Variants in ZNF33A observed in about 807,000 individuals in gnomAD.
The protein encoded by ZNF33A is brain my041 protein.
A neutral mutation model predicts 15.9 loss-of-function variants in ZNF33A; 9 were observed. The observed-to-expected ratio is 0.57, with a 90% CI of 0.34 to 0.99. The LOEUF is 0.99. Among genes scored for constraint, ZNF33A ranks in the 50% least tolerant of loss-of-function variants. The pLI is 0.02. For synonymous variants in ZNF33A, 294 were observed against 324.2 expected (o/e 0.91, Z 1.00); for missense variants, 843 against 941.6 (o/e 0.90, Z 1.37).
chr10:38,051,219 G>A (rs1238298008), intron 4 of ZNF33A, among the ~76,000 whole-genome samples: 1 of 152,178 alleles, frequency 6.6e-6, no homozygotes, highest in Admixed American at 6.5e-5. Context: ...AAATTTACAT[G>A]TAAAATTGAA....
At position 38,017,366 on chromosome 10, in the gene ZNF33A, T is replaced by G; in HGVS notation, c.230T>G (p.Phe77Cys). 1 of 1,613,888 alleles carries G rather than the reference T, an allele frequency of 6.2e-7. No individual in the cohort carries two copies. The highest frequency in any genetic ancestry group is 1.1e-5 in the South Asian group (1 of 91,074). ...GAGCCATGGAAACAGGAGGAAGAATTCCCAAGCCAAAGCTTTCCAGGTGAG... is the reference window on the plus strand; with the variant it reads ...GAGCCATGGAAACAGGAGGAAGAATGCCCAAGCCAAAGCTTTCCAGGTGAG... Reference protein sequence around the residue: ...GEEPWKQEEEFPSQSFPEVWT... With the variant: ...GEEPWKQEEECPSQSFPEVWT... Residue 77 changes from phenylalanine to cysteine, a missense_variant, in exon 4 of 5, where the codon TTC becomes TGC. Phe to Cys is a radical substitution (Grantham distance 205). Transcript: ENST00000432900.
At chr10:38,062,462 A>G (rs2066666423), downstream of ZNF33A, among the ~76,000 whole-genome samples, 1 of 152,232 alleles carries the variant, frequency 6.6e-6, no homozygotes, top group Admixed American at 6.5e-5. Flanking sequence ...ACCTAACGGC[A>G]TGGTCCCAAT....
At position 38,055,002 on chromosome 10, in the gene ZNF33A, C is replaced by A; in HGVS notation, c.878C>A (p.Pro293His). Reference sequence around the variant, plus strand: ...TGTGTGAAGTCCACCCTTTCTAAACCTCATGGGGTATCTATGAAACACTAT... The same window carrying A: ...TGTGTGAAGTCCACCCTTTCTAAACATCATGGGGTATCTATGAAACACTAT... ...FLCVKSTLSK[P>H]HGVSMKHYDC... is the part of the protein sequence containing the mutation. Residue 293 changes from proline to histidine, a missense_variant, in exon 5 of 5, where the codon CCT becomes CAT. By Grantham distance (77) the Pro-to-His change is moderately conservative. Transcript: ENST00000432900. 6.2e-7 allele frequency: 1 copy of A among 1,614,040 alleles called. No individual in the cohort carries two copies. The highest frequency in any genetic ancestry group is 1.3e-5 in the African/African-American group (1 of 75,010).
At position 38,057,590 on chromosome 10, in the gene ZNF33A, C is replaced by G; in HGVS notation, c.*1030C>G. ...ACAATTTAAAAGGAGACCCACAGAG[C>G]TAATGTTTATCCATTTAAAAGGTAT... On this transcript the variant is annotated 3_prime_UTR_variant, in exon 5 of 5. Transcript: ENST00000432900. The G allele has an allele frequency of 1.0e-6, 1 of 982,844 alleles. No individual in the cohort carries two copies. Among genetic ancestry groups the G allele is most frequent in the Non-Finnish European group, 1.2e-6 (1 of 827,638 alleles). The allele number at this position is 982,844 out of a possible 1,614,324, so 60.9% of individuals were successfully genotyped here.
chr10:38,036,694 C>G (rs1349729353), intron 4 of ZNF33A, among the ~76,000 whole-genome samples: 1 of 152,116 alleles, frequency 6.6e-6, no homozygotes, highest in Non-Finnish European at 1.5e-5. Context: ...AACAAGATGT[C>G]CTGTCTCTTC....
In ZNF33A at chr10:38,017,031, T is replaced by C; in HGVS notation, c.154+16T>C. The C allele has an allele frequency of 1.3e-6, 2 of 1,595,306 alleles. No individual in the cohort carries two copies. Among genetic ancestry groups the C allele is most frequent in the South Asian group, 1.1e-5 (1 of 88,694 alleles). On this transcript the variant is annotated intron_variant, in intron 3 of 4. Transcript: ENST00000432900. ...GTCTCAGTGGGTAAGGTCTGTTCAC[T>C]GTATCATTCTAAATAGCATTTGTTT...
chr10:38,012,573 A>C lies in ZNF33A; in HGVS notation c.9+223A>C, dbSNP rs582059. Among the ~76,000 whole-genome samples the C allele has an allele frequency of 1.9e-3, 282 of 151,906 alleles. 1 individual carries two copies. Among genetic ancestry groups the C allele is most frequent in the Middle Eastern group, 0.014 (4 of 294 alleles). ...CAGCCCCCCGAGTAGCTGGGACTGC[A>C]GGCGCATGCTGCCACGCCTGGCTAA... is the stretch of plus-strand genomic sequence containing the variant. On this transcript the variant is annotated intron_variant, in intron 2 of 4. Transcript: ENST00000432900.
At chr10:38,049,090 G>T (rs1484714271) in intron 4 of ZNF33A, among the ~76,000 whole-genome samples, 2 of 152,018 alleles carry the variant, frequency 1.3e-5, no homozygotes, top group African/African-American at 2.4e-5. Context: ...ACCATAAGGG[G>T]TTTAAATTTA....
chr10:38,055,559 A>G lies in ZNF33A; in HGVS notation c.1435A>G (p.Ser479Gly). The G allele has an allele frequency of 1.2e-6, 2 of 1,614,118 alleles. No homozygotes were observed. The highest frequency in any genetic ancestry group is 1.7e-6 in the Non-Finnish European group (2 of 1,180,006). Residue 479 changes from serine to glycine, a missense_variant, in exon 5 of 5, where the codon AGT becomes GGT. Ser to Gly is a moderately conservative substitution (Grantham distance 56). Coordinates refer to ENST00000432900, the MANE Select transcript of ZNF33A (RefSeq NM_006954.2). ...FECLECGKSF[S>G]EKSNLTQHQR... ...ATGTCTTGAGTGTGGGAAATCCTTT[A>G]GTGAAAAGTCAAATCTTACACAGCA...
In ZNF33A at chr10:38,056,281, A is replaced by G. The variant is rs2066476984; in HGVS notation, c.2157A>G (p.Lys719=). 1.9e-6 allele frequency: 3 copies of G among 1,614,120 alleles called. No homozygotes were observed. In the East Asian group the frequency reaches 6.7e-5, roughly 36 times the overall value. ...TVHHRAHTGE[K]SCQCNECGKI... ...ATCACAGGGCTCACACAGGAGAGAAATCTTGTCAATGTAATGAATGTGGAA... is the reference window on the plus strand; with the variant it reads ...ATCACAGGGCTCACACAGGAGAGAAGTCTTGTCAATGTAATGAATGTGGAA... The change falls in exon 5 of 5, where the codon AAA becomes AAG. Residue 719 remains lysine (K), a synonymous_variant. Coordinates refer to ENST00000432900, the MANE Select transcript of ZNF33A (RefSeq NM_006954.2).
chr10:38,052,007 T>C (rs2135746841), intron 4 of ZNF33A, among the ~76,000 whole-genome samples: 1 of 152,192 alleles, frequency 6.6e-6, no homozygotes, highest in East Asian at 1.9e-4. Flanking sequence ...CTATAGAAAA[T>C]GTACAATTGA....
At chr10:38,039,584 A>C (rs138100951) in intron 4 of ZNF33A, 1 of 453,066 alleles carries the variant, frequency 2.2e-6, no homozygotes, top group Non-Finnish European at 4.4e-6. Flanking sequence ...AGGTCTTTTC[A>C]GATTTTTCTT....
At chr10:38,023,948 C>T (rs1178241685) in intron 4 of ZNF33A, among the ~76,000 whole-genome samples, 2 of 151,978 alleles carry the variant, frequency 1.3e-5, no homozygotes, top group East Asian at 1.9e-4. Flanking sequence ...CACCTGAGAT[C>T]GGGAGTTCAA....
At chr10:38,012,462 C>CA in intron 2 of ZNF33A, 112 bp downstream of exon 2, 1 of 1,215,884 alleles carries the variant, frequency 8.2e-7, no homozygotes, top group East Asian at 2.6e-5. Context: ...GACGGAGTCT[C>CA]ACTCTGTCAC....
intron 4 of ZNF33A, among the ~76,000 whole-genome samples, chr10:38,042,831 G>A (rs1228436979): frequency 6.6e-6 from 1 of 152,164 alleles, no homozygotes; most frequent in African/African-American, 2.4e-5. Flanking sequence ...GGGATTACTG[G>A]CATGAGCCAC....
intron 4 of ZNF33A, among the ~76,000 whole-genome samples, chr10:38,051,037 A>G (rs948131976): frequency 6.6e-6 from 1 of 152,164 alleles, no homozygotes; most frequent in African/African-American, 2.4e-5. Context: ...GGATGAATCA[A>G]GTATTAACAA....
intron 4 of ZNF33A, among the ~76,000 whole-genome samples, chr10:38,036,545 AC>A (rs2065463388): frequency 6.6e-6 from 1 of 152,136 alleles, no homozygotes. Context: ...AAAATCCAAC[AC>A]CCATTCATGA....
intron 4 of ZNF33A, chr10:38,039,413 A>C (rs553775204): frequency 2.8e-4 from 117 of 422,992 alleles, no homozygotes; most frequent in African/African-American, 2.2e-3. Flanking sequence ...TTTTTTGTAG[A>C]GATGGGGTTT....
intron 4 of ZNF33A, among the ~76,000 whole-genome samples, chr10:38,024,815 A>G (rs2064909461): frequency 6.6e-6 from 1 of 152,244 alleles, no homozygotes. Context: ...TGTGAGTAGC[A>G]TGATGAAATT....
Sources: gnomAD v4.1 joint callset for allele counts (sites outside exome capture counted in the v4.1 genomes callset) on GRCh38, gnomAD v4.1.1 for gene constraint, MANE v1.5 for transcripts, NCBI Gene and HGNC (gene_info 2026-07-23, HGNC 2026-07-21) for gene names.